Variants in LPIN2 observed in about 807,000 individuals in gnomAD.
LPIN2 encodes the protein phosphatidate phosphatase LPIN2.
A neutral mutation model predicts 111.4 loss-of-function variants in LPIN2; 55 were observed. That is an observed-to-expected ratio of 0.49 (90% CI 0.40 to 0.62). The LOEUF (loss-of-function observed/expected upper bound fraction) is 0.62. Ranked by LOEUF, LPIN2 falls within the 20% of genes least tolerant of loss-of-function variation. The pLI is 0.00. For synonymous variants in LPIN2, 425 were observed against 414.0 expected, an observed-to-expected ratio of 1.03 and a Z score of -0.32; for missense variants, 992 against 1,112.1, an observed-to-expected ratio of 0.89 and a Z score of 1.54.
chr18:2,932,974 A>AC (rs2077232709), intron 8 of LPIN2, among the ~76,000 whole-genome samples: 1 of 152,174 alleles, frequency 6.6e-6, no homozygotes, highest in Non-Finnish European at 1.5e-5. Flanking sequence ...AGCTAGTGTT[A>AC]CCCCAACCAG....
chr18:3,004,824 T>C (rs555016610), intron 1 of LPIN2, among the ~76,000 whole-genome samples: 1 of 152,278 alleles, frequency 6.6e-6, no homozygotes, highest in South Asian at 2.1e-4. Context: ...AGCCCAGCGA[T>C]ATGCTCATGC....
chr18:3,010,756 C>T (rs745480181), intron 1 of LPIN2, among the ~76,000 whole-genome samples: 1 of 152,184 alleles, frequency 6.6e-6, no homozygotes, highest in African/African-American at 2.4e-5. Flanking sequence ...CAAGACAAAG[C>T]CTCCAGCTAG....
rs554243418 is a variant in LPIN2 at position 2,925,079 on chromosome 18, T to A, written c.1938+145A>T. 1.2e-5 allele frequency: 13 copies of A among 1,124,330 alleles called. No homozygotes were observed. In the South Asian group the frequency reaches 1.5e-4, roughly 13 times the overall value. 69.6% of individuals were successfully genotyped at this position (1,124,330 alleles called of 1,614,324 possible). A position where few individuals can be genotyped will look rare whatever the true frequency, so the allele number is the denominator to read the frequency against. On this transcript the variant is annotated intron_variant, in intron 14 of 19. Transcript: ENST00000677752. The surrounding 1 kb of genome is among the most constrained non-coding windows in gnomAD (Gnocchi z 4.1). Reference sequence around the variant, plus strand: ...TGATAGCTCTTGGGGGCGGCGGTCGTGGTTCCACTGTGGATAGGCATTGAC... The same window carrying A: ...TGATAGCTCTTGGGGGCGGCGGTCGAGGTTCCACTGTGGATAGGCATTGAC...
chr18:2,929,008 G>T lies in LPIN2; in HGVS notation c.1550+57C>A, dbSNP rs1353430190. The T allele has an allele frequency of 5.5e-6, 6 of 1,095,396 alleles. No individual in the cohort carries two copies. The East Asian group carries it at 1.2e-4, about 22-fold the overall frequency. The allele number at this position is 1,095,396 out of a possible 1,614,324, so 67.9% of individuals were successfully genotyped here. Reference sequence around the variant, plus strand: ...ACTTTTATAAGTAACAGTTAAAAATGGCACTTGTAAAAAAACTGCAAGAGT... The same window carrying T: ...ACTTTTATAAGTAACAGTTAAAAATTGCACTTGTAAAAAAACTGCAAGAGT... On this transcript the variant is annotated intron_variant, in intron 10 of 19. Coordinates refer to ENST00000677752, the MANE Select transcript of LPIN2 (RefSeq NM_001375808.2).
Position 2,931,430 on chromosome 18 carries a change from C to T in LPIN2, c.1282G>A (p.Gly428Ser), listed in dbSNP as rs768189312. 4.1e-5 allele frequency: 66 copies of T among 1,591,092 alleles called. No homozygotes were observed. Among genetic ancestry groups the T allele is most frequent in the South Asian group, 3.4e-5 (3 of 88,466 alleles). The change falls in exon 9 of 20, where the codon GGT (glycine) becomes AGT (serine). Residue 428 changes from glycine to serine, a missense_variant. Gly to Ser is a moderately conservative substitution (Grantham distance 56). Coordinates refer to ENST00000677752, the MANE Select transcript of LPIN2 (RefSeq NM_001375808.2). ...LYFPKSESEP[G>S]SRQWPESDTL... ...TCAGACTCGGGCCACTGCCTGGAAC[C>T]GGGCTCCGATTCACTGTGGACAGGG...
chr18:2,979,679 A>G (rs570527350), intron 1 of LPIN2, among the ~76,000 whole-genome samples: 10 of 152,250 alleles, frequency 6.6e-5, no homozygotes, highest in African/African-American at 2.4e-4. Context: ...AAATATAAAA[A>G]TGAATAATAA....
chr18:3,008,996 G>A (rs2078560728), intron 1 of LPIN2, among the ~76,000 whole-genome samples: 2 of 151,886 alleles, frequency 1.3e-5, no homozygotes, highest in Admixed American at 1.3e-4. Flanking sequence ...TCCGGGTGCG[G>A]TGGCTCACGC....
chr18:2,953,952 A>C (rs1375021514), intron 3 of LPIN2, among the ~76,000 whole-genome samples: 2 of 152,240 alleles, frequency 1.3e-5, no homozygotes, highest in East Asian at 3.8e-4. Flanking sequence ...GGATTTTAAC[A>C]AATCATGCTC....
At chr18:2,967,960 A>C (rs1203825619) in intron 1 of LPIN2, among the ~76,000 whole-genome samples, 4 of 152,222 alleles carry the variant, frequency 2.6e-5, no homozygotes, top group Non-Finnish European at 4.4e-5. Flanking sequence ...ATGGTTCATT[A>C]AAGCCCATGC....
intron 1 of LPIN2, among the ~76,000 whole-genome samples, chr18:2,971,834 T>C (rs2077920728): frequency 6.7e-6 from 1 of 150,150 alleles, no homozygotes; most frequent in South Asian, 2.1e-4. Flanking sequence ...GTGGATCACC[T>C]GAGGTCAGGG....
At position 2,938,042 on chromosome 18, in the gene LPIN2, A is replaced by G; in HGVS notation, c.823-5T>C. On this transcript the variant is annotated splice_polypyrimidine_tract_variant and splice_region_variant and intron_variant, in intron 6 of 19. Transcript: ENST00000677752. Reference sequence around the variant, plus strand: ...AGATCGTTCTCTTTTGCTGACCTAAAAAAGTTAAATTGTTTAAAAATTAAA... The same window carrying G: ...AGATCGTTCTCTTTTGCTGACCTAAGAAAGTTAAATTGTTTAAAAATTAAA... The G allele has an allele frequency of 5.6e-6, 9 of 1,609,438 alleles. No homozygotes were observed. Among genetic ancestry groups the G allele is most frequent in the Non-Finnish European group, 7.6e-6 (9 of 1,176,658 alleles).
rs755004200 is a variant in LPIN2, at chr18:2,937,813, A to G, written c.1047T>C (p.Pro349=). The stretch of plus-strand genomic sequence containing the variant: ...TAGATGAAATCTGAGTACTCTCAAG[A>G]GGAGGTTCGAGAAGCTCTGCCACAG... ...PTSVAELLEP[P]LESTQISSML... is the part of the protein sequence containing the mutation. Residue 349 remains proline (P), a synonymous_variant, in exon 7 of 20, where the codon CCT becomes CCC. Coordinates refer to ENST00000677752, the MANE Select transcript of LPIN2 (RefSeq NM_001375808.2). 2 of 1,614,072 alleles carry G rather than the reference A, an allele frequency of 1.2e-6. No homozygotes were observed. The highest frequency in any genetic ancestry group is 1.7e-5 in the Admixed American group (1 of 60,020).
At chr18:3,005,676 T>TACACACACACACAC (rs34050872) in intron 1 of LPIN2, among the ~76,000 whole-genome samples, 115 of 147,024 alleles carry the variant, frequency 7.8e-4, no homozygotes, top group Admixed American at 6.1e-4. Flanking sequence ...GACACTATCT[T>TACACACACACACAC]ACACACACAC....
chr18:2,920,000 C>T lies in LPIN2; in HGVS notation c.*293G>A. The T allele has an allele frequency of 5.9e-6, 3 of 506,168 alleles. No homozygotes were observed. Among genetic ancestry groups the T allele is most frequent in the Non-Finnish European group, 7.2e-6 (2 of 277,474 alleles). The allele number at this position is 506,168 out of a possible 1,614,324, so 31.4% of individuals were successfully genotyped here. A position where few individuals can be genotyped will look rare whatever the true frequency, so the allele number is the denominator to read the frequency against. On this transcript the variant is annotated 3_prime_UTR_variant, in exon 20 of 20. Coordinates refer to ENST00000677752, the MANE Select transcript of LPIN2 (RefSeq NM_001375808.2). ...GCTTTTTTCTTCCTTTAAAATGATG[C>T]AATGGAAGGAGGCCCCAGCTCACAG...
intron 8 of LPIN2, among the ~76,000 whole-genome samples, chr18:2,932,555 A>G (rs752033977): frequency 7.9e-5 from 12 of 152,254 alleles, no homozygotes; most frequent in Non-Finnish European, 1.6e-4. Flanking sequence ...CTGGAAACAC[A>G]AAGTCAGCAG....
intron 10 of LPIN2, among the ~76,000 whole-genome samples, 170 bp from the exon 11 acceptor site, chr18:2,928,830 C>A (rs1026702707): frequency 1.3e-5 from 2 of 152,152 alleles, no homozygotes; most frequent in Non-Finnish European, 2.9e-5. Context: ...TCGCTTCAAG[C>A]ACAACTTCTC....
At chr18:2,941,580 G>A (rs1219041579) in intron 4 of LPIN2, among the ~76,000 whole-genome samples, 1 of 152,198 alleles carries the variant, frequency 6.6e-6, no homozygotes, top group Non-Finnish European at 1.5e-5. Context: ...GTCAATGTGA[G>A]AGTTACATGG....
intron 4 of LPIN2, among the ~76,000 whole-genome samples, chr18:2,947,096 GAA>G (rs1030690059): frequency 6.6e-6 from 1 of 152,192 alleles, no homozygotes; most frequent in Non-Finnish European, 1.5e-5. Context: ...TGCTATCTGT[GAA>G]AAGTCTTAGG....
intron 9 of LPIN2, among the ~76,000 whole-genome samples, chr18:2,929,365 G>C (rs766202070): frequency 2.0e-5 from 3 of 152,150 alleles, no homozygotes; most frequent in African/African-American, 7.2e-5. Context: ...CTTTTCCACT[G>C]TCTCCCAGTG....
Sources: gnomAD v4.1 joint callset for allele counts (sites outside exome capture counted in the v4.1 genomes callset) on GRCh38, gnomAD v4.1.1 for gene constraint, Gnocchi (gnomAD v3.1) non-coding constraint, MANE v1.5 for transcripts, NCBI Gene and HGNC (gene_info 2026-07-23, HGNC 2026-07-21) for gene names.